Variants in DENND4C observed in about 807,000 individuals in gnomAD.
DENND4C encodes the protein DENN domain-containing protein 4C.
DENND4C carries 108 observed loss-of-function variants against 203.0 expected under a neutral mutation model. The observed-to-expected ratio is 0.53, with a 90% CI of 0.46 to 0.62. The LOEUF is 0.62. Ranked by LOEUF, DENND4C falls within the 20% of genes least tolerant of loss-of-function variation. The probability of loss-of-function intolerance (pLI) is 0.00; values close to 1 mark genes in which losing one functional copy is unlikely to be tolerated. For synonymous variants in DENND4C, 871 were observed against 792.4 expected, an observed-to-expected ratio of 1.10 and a Z score of -1.67; for missense variants, 2,481 against 2,301.2, an observed-to-expected ratio of 1.08 and a Z score of -1.60.
intron 2 of DENND4C, among the ~76,000 whole-genome samples, chr9:19,283,891 G>A (rs1002605861): frequency 3.9e-5 from 6 of 151,992 alleles, no homozygotes; most frequent in African/African-American, 9.7e-5. Context: ...CACTGCGCCC[G>A]CCCAGATGCA....
At chr9:19,283,252 C>G (rs762391303) in intron 2 of DENND4C, among the ~76,000 whole-genome samples, 1 of 152,054 alleles carries the variant, frequency 6.6e-6, no homozygotes, top group South Asian at 2.1e-4. Context: ...AGGATCATCA[C>G]TATCTCTGCC....
intron 30 of DENND4C, among the ~76,000 whole-genome samples, chr9:19,367,711 G>A (rs1222627354): frequency 1.3e-5 from 2 of 152,320 alleles, no homozygotes; most frequent in East Asian, 3.9e-4. Flanking sequence ...CTGCACTCCA[G>A]CCTGGGCAAC....
chr9:19,330,333 G>GTTTT lies in DENND4C; in HGVS notation c.2254-1624_2254-1621dup, dbSNP rs398010417. On this transcript the variant is annotated intron_variant, in intron 16 of 32. Transcript: ENST00000434457. ...AAAGTAAAATTAATATACCAAGTTG[G>GTTTT]TTTTTTTTTTTTTTTTTTTTTTTTA... Among the ~76,000 whole-genome samples, 84 of 97,122 alleles carry GTTTT rather than the reference G, an allele frequency of 8.6e-4. 3 individuals are homozygous for GTTTT. The highest frequency in any genetic ancestry group is 2.2e-3 in the African/African-American group (54 of 24,688). 63.7% of individuals were successfully genotyped at this position (97,122 alleles called of 152,430 possible).
At chr9:19,293,033 A>C (rs1836698805) in intron 5 of DENND4C, among the ~76,000 whole-genome samples, 1 of 152,252 alleles carries the variant, frequency 6.6e-6, no homozygotes, top group South Asian at 2.1e-4. Context: ...TGGAACATAG[A>C]AAATACTGAG....
chr9:19,327,894 AAG>A, intron 15 of DENND4C, 134 bp from the exon 16 acceptor site: 1 of 864,368 alleles, frequency 1.2e-6, no homozygotes, highest in South Asian at 2.4e-5. Context: ...AATTTTGAAA[AAG>A]TATTTTTTCT....
intron 1 of DENND4C, among the ~76,000 whole-genome samples, chr9:19,236,664 T>C (rs1822044604): frequency 6.6e-6 from 1 of 152,212 alleles, no homozygotes; most frequent in South Asian, 2.1e-4. Flanking sequence ...CCTAGGCATG[T>C]ATTGAGAACA....
rs145005102 is a variant in DENND4C, at chr9:19,248,860, C to T, written c.-18+18027C>T. Among the ~76,000 whole-genome samples, 713 of 151,714 alleles carry T rather than the reference C, an allele frequency of 4.7e-3. 4 individuals are homozygous for T. Among genetic ancestry groups the T allele is most frequent in the South Asian group, 0.02 (94 of 4,812 alleles). On this transcript the variant is annotated intron_variant, in intron 1 of 32. Transcript: ENST00000434457. The stretch of plus-strand genomic sequence containing the variant: ...TCACCTAGGCTGGAGTGTAGTGGCA[C>T]GATCTCAGCTCACTGCAGCCTCCGC...
At chr9:19,340,321 A>AG (rs1821320371) in intron 20 of DENND4C, among the ~76,000 whole-genome samples, 1 of 152,210 alleles carries the variant, frequency 6.6e-6, no homozygotes, top group Admixed American at 6.5e-5. Flanking sequence ...TCCCAGGCTT[A>AG]GGGTAGATAC....
At chr9:19,283,877 G>C (rs1460885421) in intron 2 of DENND4C, among the ~76,000 whole-genome samples, 1 of 152,036 alleles carries the variant, frequency 6.6e-6, no homozygotes, top group African/African-American at 2.4e-5. Flanking sequence ...TTATAGGCGT[G>C]AGCCACTGCG....
rs748309771 is a variant in DENND4C at position 19,346,548 on chromosome 9, G to A, written c.3779G>A (p.Cys1260Tyr). ...CCTTTGTCTCTTTTAGCCACTGAAT[G>A]TACAGGAGGAAAAACTCCTGATTCT... The part of the protein sequence containing the change: ...LDPLSLLATE[C>Y]TGGKTPDSED... Residue 1260 changes from cysteine to tyrosine, a missense_variant, in exon 23 of 33, where the codon TGT becomes TAT. This residue lies in a region of DENND4C where 2,289 missense variants were observed against 2,113.3 expected (regional missense o/e 1.08). Coordinates refer to ENST00000434457, the MANE Select transcript of DENND4C (RefSeq NM_001330640.2). 5 of 1,614,118 alleles carry A rather than the reference G, an allele frequency of 3.1e-6. No homozygotes were observed. The highest frequency in any genetic ancestry group is 2.2e-5 in the East Asian group (1 of 44,884).
chr9:19,294,277 G>T (rs569021595), intron 5 of DENND4C, among the ~76,000 whole-genome samples: 4 of 152,084 alleles, frequency 2.6e-5, no homozygotes, highest in Non-Finnish European at 5.9e-5. Flanking sequence ...TGACATAATT[G>T]GATCTAGTAT....
chr9:19,321,315 G>A (rs1482512732), intron 12 of DENND4C, among the ~76,000 whole-genome samples: 2 of 152,134 alleles, frequency 1.3e-5, no homozygotes, highest in Non-Finnish European at 2.9e-5. Context: ...TTAGGAATTA[G>A]ATTGAGTAGA....
Position 19,357,025 on chromosome 9 carries a change from C to G in DENND4C, c.4835C>G (p.Pro1612Arg), listed in dbSNP as rs1227933939. The change falls in exon 27 of 33, where the codon CCA (proline) becomes CGA (arginine). Residue 1612 changes from proline to arginine, a missense_variant. Physicochemically the swap from Pro to Arg is moderately radical, Grantham distance 103. This residue lies in a region of DENND4C where 2,289 missense variants were observed against 2,113.3 expected (regional missense o/e 1.08). Transcript: ENST00000434457. ...SGDSLQSGSIPLANESLEHKP... is the reference protein window; with the variant it reads ...SGDSLQSGSIRLANESLEHKP... ...GACAGTTTACAAAGTGGAAGCATTC[C>G]ATTGGCAAATGAATCCTTGGAGCAC... 1 of 1,613,918 alleles carries G rather than the reference C, an allele frequency of 6.2e-7. No homozygotes were observed. The highest frequency in any genetic ancestry group is 8.5e-7 in the Non-Finnish European group (1 of 1,179,904).
chr9:19,253,074 C>G (rs544329507), intron 1 of DENND4C, among the ~76,000 whole-genome samples: 2 of 152,306 alleles, frequency 1.3e-5, no homozygotes, highest in African/African-American at 4.8e-5. Context: ...AAAAGTGATT[C>G]CTCTCTTGAC....
intron 1 of DENND4C, among the ~76,000 whole-genome samples, chr9:19,267,489 G>T (rs896384330): frequency 2.6e-5 from 4 of 151,998 alleles, no homozygotes; most frequent in Non-Finnish European, 5.9e-5. Context: ...TAGTCTGTGT[G>T]TATCTTTATA....
intron 2 of DENND4C, among the ~76,000 whole-genome samples, chr9:19,283,840 C>A (rs1834654056): frequency 6.6e-6 from 1 of 151,978 alleles, no homozygotes; most frequent in Non-Finnish European, 1.5e-5. Context: ...GGTGATCCGC[C>A]CACTTCTGTC....
chr9:19,281,608 T>A (rs1834053475), intron 2 of DENND4C, among the ~76,000 whole-genome samples: 1 of 152,296 alleles, frequency 6.6e-6, no homozygotes, highest in Admixed American at 6.5e-5. Context: ...AGATGTTAAG[T>A]TAAAATATGT....
At chr9:19,298,484 A>C (rs1240994774) in intron 7 of DENND4C, among the ~76,000 whole-genome samples, 1 of 152,164 alleles carries the variant, frequency 6.6e-6, no homozygotes, top group Non-Finnish European at 1.5e-5. Context: ...AGGTTAATTT[A>C]AACAAGGTCT....
At position 19,374,206 on chromosome 9, in the gene DENND4C, G is replaced by T. The variant is rs146294439; in HGVS notation, c.*2033G>T. Reference sequence around the variant, plus strand: ...TTTTGTTTTTTCCATTCCTTCACTCGTAACTTGAACTCAAGTTTTCACTTA... The same window carrying T: ...TTTTGTTTTTTCCATTCCTTCACTCTTAACTTGAACTCAAGTTTTCACTTA... On this transcript the variant is annotated 3_prime_UTR_variant, in exon 33 of 33. Coordinates refer to ENST00000434457, the MANE Select transcript of DENND4C (RefSeq NM_001330640.2). 2.6e-5 allele frequency among the ~76,000 whole-genome samples: 4 copies of T among 151,416 alleles called. No homozygotes were observed. Among genetic ancestry groups the T allele is most frequent in the Non-Finnish European group, 5.9e-5 (4 of 67,892 alleles).
Sources: allele counts gnomAD v4.1 joint callset (sites outside exome capture counted in the v4.1 genomes callset), GRCh38; gene constraint gnomAD v4.1.1; regional missense constraint gnomAD v4.1.1; transcripts MANE v1.5; gene names NCBI Gene and HGNC (gene_info 2026-07-23, HGNC 2026-07-21).